Variants in ADGRV1 observed in about 807,000 individuals in gnomAD.
ADGRV1 encodes the protein G-protein coupled receptor 98.
In ADGRV1, 359 loss-of-function variants were observed where a neutral mutation model predicts 596.2. The observed-to-expected ratio is 0.60, with a 90% CI of 0.55 to 0.66. The LOEUF (loss-of-function observed/expected upper bound fraction) is 0.66, where lower values mean the gene tolerates loss of function less well. Among genes scored for constraint, ADGRV1 ranks in the 30% least tolerant of loss-of-function variants. The pLI, the probability that ADGRV1 is intolerant of heterozygous loss-of-function variation, is 0.00. For missense variants in ADGRV1, 7,274 were observed against 7,575.6 expected, an observed-to-expected ratio of 0.96 and a Z score of 1.48; for synonymous variants, 2,681 against 2,679.2, an observed-to-expected ratio of 1.00 and a Z score of -0.02.
chr5:91,037,122 A>G (rs1784977610), intron 85 of ADGRV1, among the ~76,000 whole-genome samples: 1 of 152,214 alleles, frequency 6.6e-6, no homozygotes, highest in Non-Finnish European at 1.5e-5. Flanking sequence ...AGACCCAGGC[A>G]GGCAACACAA....
intron 85 of ADGRV1, among the ~76,000 whole-genome samples, chr5:91,053,457 A>G (rs375269374): frequency 5.3e-5 from 8 of 152,314 alleles, no homozygotes; most frequent in African/African-American, 1.9e-4. Context: ...AAGATTAATC[A>G]TAATTGTTAT....
chr5:90,788,810 T>G (rs1759753487), intron 68 of ADGRV1, among the ~76,000 whole-genome samples: 1 of 150,508 alleles, frequency 6.6e-6, no homozygotes, highest in Admixed American at 6.6e-5. Context: ...TCTATATCAG[T>G]CAGAGTTTTC....
intron 45 of ADGRV1, among the ~76,000 whole-genome samples, chr5:90,721,531 A>AAAAT (rs1314967115): frequency 0.21 from 16,935 of 82,268 alleles, 2,302 homozygotes; most frequent in African/African-American, 0.4. Flanking sequence ...AAATAAAAAT[A>AAAAT]AAAATAAAAT....
In ADGRV1 at chr5:90,647,466, G is replaced by C. The variant is rs111725573; in HGVS notation, c.3023-32G>C. ...GAAAATATGTGATGGAATCAGAAAA[G>C]CTCATGTGTTCTTTCTTTGTGGATA... is the stretch of plus-strand genomic sequence containing the variant. On this transcript the variant is annotated intron_variant, in intron 16 of 89. Coordinates refer to ENST00000405460, the MANE Select transcript of ADGRV1 (RefSeq NM_032119.4). 20 of 1,580,656 alleles carry C rather than the reference G, an allele frequency of 1.3e-5. 1 individual carries two copies. Among genetic ancestry groups the C allele is most frequent in the African/African-American group, 1.2e-4 (9 of 73,730 alleles).
chr5:90,616,072 T>C (rs1488961921), intron 2 of ADGRV1, among the ~76,000 whole-genome samples: 1 of 152,060 alleles, frequency 6.6e-6, no homozygotes, highest in East Asian at 1.9e-4. Flanking sequence ...AACTCTTTCT[T>C]AAAGCTTGTG....
At chr5:91,020,926 C>T (rs374779300) in intron 85 of ADGRV1, among the ~76,000 whole-genome samples, 23 of 152,084 alleles carry the variant, frequency 1.5e-4, no homozygotes, top group Non-Finnish European at 2.9e-5. Flanking sequence ...GAAGTATTTT[C>T]GTTGAATGTC....
intron 76 of ADGRV1, among the ~76,000 whole-genome samples, chr5:90,827,688 C>A (rs546599405): frequency 6.6e-6 from 1 of 152,194 alleles, no homozygotes; most frequent in African/African-American, 2.4e-5. Context: ...CAAAAGTGGA[C>A]ACAGTACAAT....
intron 1 of ADGRV1, among the ~76,000 whole-genome samples, chr5:90,589,122 G>T (rs1188033152): frequency 6.6e-6 from 1 of 152,142 alleles, no homozygotes; most frequent in Non-Finnish European, 1.5e-5. Flanking sequence ...CAATTATCAT[G>T]ATAGAAAGTG....
chr5:91,146,508 G>A (rs1795546659), intron 87 of ADGRV1, among the ~76,000 whole-genome samples: 1 of 152,226 alleles, frequency 6.6e-6, no homozygotes, highest in African/African-American at 2.4e-5. Flanking sequence ...AACATTTACT[G>A]TGAGGCAAGG....
At chr5:91,029,515 A>G (rs1365126273) in intron 85 of ADGRV1, among the ~76,000 whole-genome samples, 1 of 152,180 alleles carries the variant, frequency 6.6e-6, no homozygotes, top group Non-Finnish European at 1.5e-5. Context: ...GACCTCATGT[A>G]GATATATCTT....
chr5:91,113,234 T>C (rs1446668312), intron 87 of ADGRV1, among the ~76,000 whole-genome samples: 4 of 152,172 alleles, frequency 2.6e-5, no homozygotes, highest in African/African-American at 7.2e-5. Flanking sequence ...AATATGCTTA[T>C]TGTGAGACTA....
In ADGRV1 at chr5:90,789,858, C is replaced by T. The variant is rs563519322; in HGVS notation, c.14043+7C>T. On this transcript the variant is annotated splice_region_variant and intron_variant, in intron 69 of 89. Coordinates refer to ENST00000405460, the MANE Select transcript of ADGRV1 (RefSeq NM_032119.4). ...CACCTTTGGAGAGATTATGGTATTA[C>T]TTTTCATTTGATTTTTCAAAGTACC... is the stretch of plus-strand genomic sequence containing the variant. The T allele has an allele frequency of 6.4e-5, 86 of 1,347,686 alleles. No homozygotes were observed. The highest frequency in any genetic ancestry group is 3.8e-4 in the Middle Eastern group (2 of 5,198). 83.5% of individuals were successfully genotyped at this position (1,347,686 alleles called of 1,614,324 possible).
intron 83 of ADGRV1, among the ~76,000 whole-genome samples, chr5:90,864,922 C>T (rs914472503): frequency 2.0e-5 from 3 of 151,998 alleles, no homozygotes; most frequent in Non-Finnish European, 4.4e-5. Context: ...ACATGATTTG[C>T]ACAGTTTTTT....
chr5:91,045,409 G>A (rs1785717214), intron 85 of ADGRV1, among the ~76,000 whole-genome samples: 2 of 152,066 alleles, frequency 1.3e-5, no homozygotes, highest in Admixed American at 1.3e-4. Flanking sequence ...AATGTGGTAT[G>A]CCACATAAGC....
chr5:91,027,583 A>C (rs1022065407), intron 85 of ADGRV1, among the ~76,000 whole-genome samples: 1 of 152,184 alleles, frequency 6.6e-6, no homozygotes, highest in Admixed American at 6.5e-5. Context: ...TGCTGAAGGC[A>C]AACTGGAATG....
chr5:90,569,418 CATTCTT>C (rs1324406174), intron 1 of ADGRV1, among the ~76,000 whole-genome samples: 1 of 38,810 alleles, frequency 2.6e-5, no homozygotes, highest in African/African-American at 1.1e-4. Context: ...TTTTTTTTCT[CATTCTT>C]AGTTTCAACC....
intron 84 of ADGRV1, among the ~76,000 whole-genome samples, chr5:90,982,482 T>A (rs1425741872): frequency 6.6e-6 from 1 of 152,168 alleles, no homozygotes; most frequent in East Asian, 1.9e-4. Context: ...AAGTTTTGGG[T>A]GGAAGAAGAA....
At chr5:90,987,944 A>G (rs1327884919) in intron 85 of ADGRV1, among the ~76,000 whole-genome samples, 6 of 152,154 alleles carry the variant, frequency 3.9e-5, no homozygotes, top group African/African-American at 1.2e-4. Flanking sequence ...CTGAAGTCTA[A>G]TTTTTGTCTC....
chr5:91,085,762 T>C (rs1789814726), intron 86 of ADGRV1, among the ~76,000 whole-genome samples: 1 of 152,236 alleles, frequency 6.6e-6, no homozygotes, highest in Admixed American at 6.5e-5. Context: ...CTTGTCCATC[T>C]AGAAATATGT....
Sources: allele counts gnomAD v4.1 joint callset (sites outside exome capture counted in the v4.1 genomes callset), GRCh38; gene constraint gnomAD v4.1.1; transcripts MANE v1.5; gene names NCBI Gene and HGNC (gene_info 2026-07-23, HGNC 2026-07-21).